Variants in SLC51B observed in about 807,000 individuals in gnomAD.
The protein encoded by SLC51B is SLC51 subunit beta, also known as organic solute transporter subunit beta.
In SLC51B, 6 loss-of-function variants were observed where a neutral mutation model predicts 8.0. The ratio of observed to expected loss-of-function variants is 0.75; its 90% confidence interval spans 0.41 to 1.48. The LOEUF is 1.48. Ranked by LOEUF, SLC51B falls within the 40% of genes most tolerant of loss-of-function variation. The probability of loss-of-function intolerance (pLI) is 0.01; values close to 1 mark genes in which losing one functional copy is unlikely to be tolerated. For synonymous variants in SLC51B, 61 were observed against 54.8 expected (o/e 1.11, Z -0.50); for missense variants, 150 against 149.7 (o/e 1.00, Z -0.01).
intron 1 of SLC51B, 50 bp from the exon 2 acceptor site, chr15:65,049,847 A>C: frequency 8.3e-6 from 4 of 479,208 alleles, no homozygotes; most frequent in African/African-American, 2.0e-5. Context: ...GCACAGAGGG[A>C]GATCAAACTC....
intron 1 of SLC51B, chr15:65,049,249 A>C (rs2086615650): frequency 6.6e-6 from 1 of 151,804 alleles, no homozygotes; most frequent in Non-Finnish European, 1.5e-5. Context: ...GGCCTACACG[A>C]AGTAAGGGAT....
Position 65,050,024 on chromosome 15 carries a change from C to G in SLC51B, c.20C>G (p.Ala7Gly), listed in dbSNP as rs1193237188. 6.4e-7 allele frequency: 1 copy of G among 1,551,448 alleles called. No homozygotes were observed. Among genetic ancestry groups the G allele is most frequent in the East Asian group, 2.4e-5 (1 of 40,918 alleles). MEHSEG[A>G]PGDPAGTVVP... ...AGGGGCATGGAGCACAGTGAGGGGG[C>G]TCCCGGAGACCCAGCCGGTACTGTG... The change falls in exon 2 of 4, where the codon GCT (alanine) becomes GGT (glycine). Residue 7 changes from alanine to glycine, a missense_variant. Physicochemically the swap from Ala to Gly is moderately conservative, Grantham distance 60 (BLOSUM62 0). Transcript: ENST00000334287.
chr15:65,047,907 G>A (rs184124413), intron 1 of SLC51B, among the ~76,000 whole-genome samples: 1 of 152,246 alleles, frequency 6.6e-6, no homozygotes, highest in East Asian at 1.9e-4. Flanking sequence ...GGCCAGGCAC[G>A]GTGGCTCAGG....
At position 65,051,265 on chromosome 15, in the gene SLC51B, C is replaced by T. The variant is rs915915868; in HGVS notation, c.98-250C>T. Among the ~76,000 whole-genome samples the T allele has an allele frequency of 5.9e-5, 9 of 152,328 alleles. No homozygotes were observed. In the East Asian group the frequency reaches 1.7e-3, roughly 29 times the overall value. Reference sequence around the variant, plus strand: ...GGCCTCTGCCCTTCACCCCTGTTGCCCCACTATTATTTAACTGCAGTACTG... The same window carrying T: ...GGCCTCTGCCCTTCACCCCTGTTGCTCCACTATTATTTAACTGCAGTACTG... On this transcript the variant is annotated intron_variant, in intron 2 of 3. Coordinates refer to ENST00000334287, the MANE Select transcript of SLC51B (RefSeq NM_178859.4).
chr15:65,051,591 C>T lies in SLC51B; in HGVS notation c.174C>T (p.Ser58=). ...VIISMVLLGR[S]IQASRKEKMQ... ...TAAGCATGGTCCTCCTGGGAAGAAG[C>T]ATCCAGGCAAGCAGGTGAGGAGCTG... The change falls in exon 3 of 4, where the codon AGC becomes AGT. Residue 58 remains serine, a synonymous_variant. Coordinates refer to ENST00000334287, the MANE Select transcript of SLC51B (RefSeq NM_178859.4). The T allele has an allele frequency of 1.2e-6, 2 of 1,613,288 alleles. No homozygotes were observed. The highest frequency in any genetic ancestry group is 1.7e-5 in the Admixed American group (1 of 59,988).
intron 1 of SLC51B, among the ~76,000 whole-genome samples, chr15:65,045,827 A>G (rs753217373): frequency 3.9e-5 from 6 of 152,264 alleles, no homozygotes; most frequent in Non-Finnish European, 7.3e-5. Context: ...GCAAATGACA[A>G]TATGATGCTC....
In SLC51B at chr15:65,053,068, C is replaced by T. The variant is rs770588345; in HGVS notation, c.291C>T (p.Leu97=). The part of the protein sequence containing the change: ...NSLNNLRETL[L]SEKPNLAQVE... The stretch of plus-strand genomic sequence containing the variant: ...TAAACAACCTAAGAGAAACTTTGCT[C>T]TCAGAAAAGCCAAACTTGGCCCAGG... The change falls in exon 4 of 4, where the codon CTC becomes CTT. Residue 97 remains leucine (L), a synonymous_variant. Coordinates refer to ENST00000334287, the MANE Select transcript of SLC51B (RefSeq NM_178859.4). 8.1e-6 allele frequency: 13 copies of T among 1,614,032 alleles called. No individual in the cohort carries two copies. Among genetic ancestry groups the T allele is most frequent in the South Asian group, 4.4e-5 (4 of 91,086 alleles).
At position 65,053,247 on chromosome 15, in the gene SLC51B, G is replaced by C; in HGVS notation, c.*83G>C. The C allele has an allele frequency of 3.9e-6, 6 of 1,527,878 alleles. No individual in the cohort carries two copies. Among genetic ancestry groups the C allele is most frequent in the Non-Finnish European group, 4.4e-6 (5 of 1,143,226 alleles). The allele number at this position is 1,527,878 out of a possible 1,614,324, so 94.6% of individuals were successfully genotyped here. On this transcript the variant is annotated 3_prime_UTR_variant, in exon 4 of 4. Transcript: ENST00000334287. ...GGCCTGAAACCTCTCAGGTTTTAGA[G>C]TCTCTCCCAAGAAGCCGCTTTTTTC...
intron 2 of SLC51B, among the ~76,000 whole-genome samples, chr15:65,050,833 C>CTTTTTTTTTTTTTTTTTTTTTTTTTTT (rs67418433): frequency 4.6e-4 from 41 of 88,596 alleles, no homozygotes; most frequent in East Asian, 1.2e-3. Flanking sequence ...TCTTCTTCTT[C>CTTTTTTTTTTTTTTTTTTTTTTTTTTT]TTCTTTTTTT....
At chr15:65,049,460 A>T (rs868356955) in intron 1 of SLC51B, 1 of 152,040 alleles carries the variant, frequency 6.6e-6, no homozygotes, top group South Asian at 2.1e-4. Context: ...AGGCGTGCCA[A>T]TCCCCAGGAG....
rs772899639 is a variant in SLC51B, at chr15:65,053,140, G to A, written c.363G>A (p.Pro121=). 3.4e-5 allele frequency: 55 copies of A among 1,613,924 alleles called. No homozygotes were observed. Among genetic ancestry groups the A allele is most frequent in the African/African-American group, 1.6e-4 (12 of 74,906 alleles). ...KERDVLSVFL[P]DVPETES ...GAGATGTGCTGTCAGTTTTCCTTCC[G>A]GATGTACCAGAAACTGAGAGCTAGT... The change falls in exon 4 of 4, where the codon CCG becomes CCA. Residue 121 remains proline (P), a synonymous_variant. Transcript: ENST00000334287.
Position 65,050,043 on chromosome 15 carries a change from T to G in SLC51B, c.39T>G (p.Gly13=). Residue 13 remains glycine, a synonymous_variant, in exon 2 of 4, where the codon GGT becomes GGG. Coordinates refer to ENST00000334287, the MANE Select transcript of SLC51B (RefSeq NM_178859.4). ...AGGGGGCTCCCGGAGACCCAGCCGGTACTGTGGTACCCCAGGAGCTGCTGG... is the reference window on the plus strand; with the variant it reads ...AGGGGGCTCCCGGAGACCCAGCCGGGACTGTGGTACCCCAGGAGCTGCTGG... ...HSEGAPGDPA[G]TVVPQELLEE... is the part of the protein sequence containing the mutation. 6.4e-7 allele frequency: 1 copy of G among 1,551,736 alleles called. No homozygotes were observed. Among genetic ancestry groups the G allele is most frequent in the East Asian group, 2.4e-5 (1 of 40,938 alleles).
chr15:65,049,927 A>G lies in SLC51B; in HGVS notation c.-78A>G. ...TTCACGGCTTCTCTGCCCAGGGGCCAGAACCGAGGAGGCCAGGAGGGCTGC... is the reference window on the plus strand; with the variant it reads ...TTCACGGCTTCTCTGCCCAGGGGCCGGAACCGAGGAGGCCAGGAGGGCTGC... On this transcript the variant is annotated 5_prime_UTR_variant, in exon 2 of 4. Transcript: ENST00000334287. The G allele has an allele frequency of 8.7e-7, 1 of 1,150,832 alleles. No homozygotes were observed. The highest frequency in any genetic ancestry group is 1.2e-6 in the Non-Finnish European group (1 of 812,948). The allele number at this position is 1,150,832 out of a possible 1,614,324, so 71.3% of individuals were successfully genotyped here. A position where few individuals can be genotyped will look rare whatever the true frequency, so the allele number is the denominator to read the frequency against.
intron 1 of SLC51B, 40 bp from the exon 2 acceptor site, chr15:65,049,857 C>A (rs1034491228): frequency 2.7e-5 from 14 of 525,260 alleles, no homozygotes; most frequent in Admixed American, 3.7e-5. Context: ...AGATCAAACT[C>A]GGGTGGGATA....
chr15:65,047,513 A>G (rs570280011), intron 1 of SLC51B, among the ~76,000 whole-genome samples: 1 of 152,312 alleles, frequency 6.6e-6, no homozygotes, highest in Admixed American at 6.5e-5. Flanking sequence ...CCCACACCCT[A>G]GAAGAAGACT....
At chr15:65,051,953 C>T (rs1023202706) in intron 3 of SLC51B, among the ~76,000 whole-genome samples, 3 of 152,134 alleles carry the variant, frequency 2.0e-5, no homozygotes, top group South Asian at 2.1e-4. Context: ...TCCATGGGTA[C>T]AGCAGACCTG....
Position 65,050,119 on chromosome 15 carries a change from G to T in SLC51B, c.97+18G>T. 6.5e-7 allele frequency: 1 copy of T among 1,546,424 alleles called. No homozygotes were observed. Among genetic ancestry groups the T allele is most frequent in the South Asian group, 1.2e-5 (1 of 83,800 alleles). On this transcript the variant is annotated intron_variant, in intron 2 of 3. Transcript: ENST00000334287. ...GGAAGATGGTAAGTGGTGAGAGATTGACGGCAGGGGTGGGGGTGTGCCCCT... is the reference window on the plus strand; with the variant it reads ...GGAAGATGGTAAGTGGTGAGAGATTTACGGCAGGGGTGGGGGTGTGCCCCT...
intron 2 of SLC51B, among the ~76,000 whole-genome samples, chr15:65,050,354 C>T (rs1475547031): frequency 1.3e-5 from 2 of 152,224 alleles, no homozygotes; most frequent in Non-Finnish European, 1.5e-5. Context: ...CTGTACCAGA[C>T]ACTGTTCTCA....
At chr15:65,047,725 T>C (rs1337816045) in intron 1 of SLC51B, among the ~76,000 whole-genome samples, 1 of 152,196 alleles carries the variant, frequency 6.6e-6, no homozygotes, top group Non-Finnish European at 1.5e-5. Flanking sequence ...GCCATTCTTG[T>C]AACTTTGTCT....
Sources: gnomAD v4.1 joint callset for allele counts (sites outside exome capture counted in the v4.1 genomes callset) on GRCh38, gnomAD v4.1.1 for gene constraint, MANE v1.5 for transcripts, NCBI Gene and HGNC (gene_info 2026-07-23, HGNC 2026-07-21) for gene names.